The following USH2A variants were observed in gnomAD, a reference collection of about 807,000 sequenced individuals.
USH2A encodes Usher syndrome 2A (autosomal recessive, mild).
Under a neutral mutation model 538.9 loss-of-function variants are expected in USH2A, and 443 were observed. The observed-to-expected ratio is 0.82, with a 90% confidence interval of 0.76 to 0.89. The LOEUF is 0.89. Among genes scored for constraint, USH2A ranks in the 40% least tolerant of loss-of-function variants. USH2A has a pLI of 0.00. For synonymous variants in USH2A, 2,413 were observed against 2,273.5 expected, an observed-to-expected ratio of 1.06 and a Z score of -1.75; for missense variants, 6,633 against 6,324.8, an observed-to-expected ratio of 1.05 and a Z score of -1.65.
rs376678203 is a variant in USH2A, at chr1:216,198,475, T to C, written c.3921A>G (p.Ser1307=). 3.1e-6 allele frequency: 5 copies of C among 1,613,934 alleles called. No individual in the cohort carries two copies. Among genetic ancestry groups the C allele is most frequent in the East Asian group, 2.2e-5 (1 of 44,840 alleles). Residue 1307 remains serine, a synonymous_variant, in exon 18 of 72, where the codon TCA becomes TCG. Transcript: ENST00000307340. The part of the protein sequence containing the change: ...FQSSGWLSPH[S]FVESANENAL... ...CATTTTCATTGGCCGATTCTACAAA[T>C]GAATGAGGACTGAGCCAACCACTGC... is the stretch of plus-strand genomic sequence containing the variant.
intron 17 of USH2A, among the ~76,000 whole-genome samples, chr1:216,198,822 A>T (rs2034916074): frequency 6.6e-6 from 1 of 152,204 alleles, no homozygotes; most frequent in African/African-American, 2.4e-5. Context: ...TATTAAAGGC[A>T]TACTCATGAG....
chr1:216,032,705 G>A (rs917186250), intron 32 of USH2A, among the ~76,000 whole-genome samples: 2 of 152,084 alleles, frequency 1.3e-5, no homozygotes, highest in Non-Finnish European at 2.9e-5. Context: ...GCATGAGGGG[G>A]ACTGGATATC....
chr1:215,680,036 G>A, intron 62 of USH2A, 113 bp downstream of exon 62: 7 of 1,054,670 alleles, frequency 6.6e-6, no homozygotes, highest in Non-Finnish European at 1.0e-5. Flanking sequence ...CTATCAAGGA[G>A]AATTAAACAG....
At chr1:215,833,884 A>G (rs1034940585) in intron 47 of USH2A, among the ~76,000 whole-genome samples, 3 of 152,128 alleles carry the variant, frequency 2.0e-5, no homozygotes, top group Admixed American at 6.6e-5. Flanking sequence ...GAAATTTGCA[A>G]AAGATTTGGA....
At chr1:215,817,813 C>A (rs1023326256) in intron 47 of USH2A, among the ~76,000 whole-genome samples, 14 of 151,948 alleles carry the variant, frequency 9.2e-5, no homozygotes, top group African/African-American at 3.4e-4. Context: ...CCAATGCCAA[C>A]AACTATCCAC....
intron 32 of USH2A, among the ~76,000 whole-genome samples, chr1:216,010,344 C>T (rs1003737034): frequency 2.0e-5 from 3 of 152,132 alleles, no homozygotes; most frequent in East Asian, 1.9e-4. Context: ...TCCTAAGCCA[C>T]GTCCCATCTG....
At chr1:216,020,503 G>C (rs1190159200) in intron 32 of USH2A, among the ~76,000 whole-genome samples, 2 of 152,094 alleles carry the variant, frequency 1.3e-5, no homozygotes, top group Non-Finnish European at 2.9e-5. Context: ...AAGATATTTG[G>C]TCTTTGTACC....
chr1:216,088,098 C>A (rs939417772), intron 23 of USH2A, among the ~76,000 whole-genome samples: 1 of 152,044 alleles, frequency 6.6e-6, no homozygotes, highest in Non-Finnish European at 1.5e-5. Context: ...CCTTGACATG[C>A]CACATGTAGT....
At chr1:216,028,566 T>C (rs1337682592) in intron 32 of USH2A, among the ~76,000 whole-genome samples, 4 of 151,978 alleles carry the variant, frequency 2.6e-5, no homozygotes, top group African/African-American at 7.2e-5. Context: ...CTGGAAAATA[T>C]ATCTAAATTT....
intron 64 of USH2A, among the ~76,000 whole-genome samples, chr1:215,662,894 T>C (rs755188146): frequency 6.6e-6 from 1 of 152,198 alleles, no homozygotes; most frequent in Non-Finnish European, 1.5e-5. Flanking sequence ...GTGTTCAATA[T>C]GTTTTCTCTA....
chr1:215,655,649 TG>T (rs1430196443), intron 64 of USH2A, among the ~76,000 whole-genome samples: 1 of 151,058 alleles, frequency 6.6e-6, no homozygotes, highest in African/African-American at 2.4e-5. Context: ...CTGCACAGGA[TG>T]GGAGAAGGGG....
At chr1:216,255,937 G>A (rs528784741) in intron 11 of USH2A, among the ~76,000 whole-genome samples, 2 of 151,976 alleles carry the variant, frequency 1.3e-5, no homozygotes, top group African/African-American at 4.8e-5. Flanking sequence ...GAATTGTTAT[G>A]TCCTATTGAC....
At chr1:215,671,338 T>G (rs1321704673) in intron 63 of USH2A, 45 bp from the exon 64 acceptor site, 1 of 1,596,490 alleles carries the variant, frequency 6.3e-7, no homozygotes, top group Non-Finnish European at 8.6e-7. Context: ...GCAAAATAGA[T>G]TTTCATGGGA....
chr1:216,057,846 C>T (rs185303043), intron 30 of USH2A, among the ~76,000 whole-genome samples: 61 of 152,208 alleles, frequency 4.0e-4, no homozygotes, highest in Middle Eastern at 6.8e-3. Flanking sequence ...CTAATTGCTC[C>T]TTATTATGTA....
Position 215,836,385 on chromosome 1 carries a change from A to G in USH2A, c.9371+1606T>C, listed in dbSNP as rs192350922. 1.8e-3 allele frequency among the ~76,000 whole-genome samples: 234 copies of G among 133,712 alleles called. 4 individuals carry two copies. Among genetic ancestry groups the G allele is most frequent in the Middle Eastern group, 7.6e-3 (2 of 262 alleles). The allele number at this position is 133,712 out of a possible 152,430, so 87.7% of individuals were successfully genotyped here. A position where few individuals can be genotyped will look rare whatever the true frequency, so the allele number is the denominator to read the frequency against. On this transcript the variant is annotated intron_variant, in intron 47 of 71. Transcript: ENST00000307340. Reference sequence around the variant, plus strand: ...TTTAGGGGAGTATCTTCCCCAGTGGACTGGAACTTTGCAAATTTAGAATCA... The same window carrying G: ...TTTAGGGGAGTATCTTCCCCAGTGGGCTGGAACTTTGCAAATTTAGAATCA...
intron 4 of USH2A, among the ~76,000 whole-genome samples, chr1:216,362,865 G>A (rs1013394500): frequency 4.0e-5 from 6 of 151,470 alleles, no homozygotes; most frequent in African/African-American, 1.5e-4. Flanking sequence ...CTTGAACCCA[G>A]GAGACAGAGG....
intron 26 of USH2A, among the ~76,000 whole-genome samples, chr1:216,080,753 G>C (rs777104166): frequency 2.0e-5 from 3 of 151,110 alleles, no homozygotes; most frequent in Non-Finnish European, 2.9e-5. Context: ...GGAAGGGATA[G>C]AATCTAGGAT....
intron 21 of USH2A, among the ~76,000 whole-genome samples, chr1:216,152,339 C>T (rs2033853761): frequency 1.3e-5 from 2 of 152,146 alleles, no homozygotes; most frequent in Non-Finnish European, 2.9e-5. Flanking sequence ...TGATGACATT[C>T]CACCACAAAA....
chr1:216,099,105 T>C (rs2032516889), intron 21 of USH2A, among the ~76,000 whole-genome samples: 1 of 152,238 alleles, frequency 6.6e-6, no homozygotes, highest in African/African-American at 2.4e-5. Flanking sequence ...AGCTTTAGAC[T>C]TTCCAAGAAG....
Sources: gnomAD v4.1 joint callset for allele counts (sites outside exome capture counted in the v4.1 genomes callset) on GRCh38, gnomAD v4.1.1 for gene constraint, MANE v1.5 for transcripts, NCBI Gene and HGNC (gene_info 2026-07-23, HGNC 2026-07-21) for gene names.